Variants in BMAL1 observed in about 807,000 individuals in gnomAD.
BMAL1 encodes the protein basic helix-loop-helix ARNT-like protein 1.
At chr11:13,348,029 G>C in the BMAL1 span, among the ~76,000 whole-genome samples, 1 of 152,138 alleles carries the variant, frequency 6.6e-6, no homozygotes, top group Non-Finnish European at 1.5e-5. Flanking sequence ...GAGGAGACAC[G>C]CCTACAAGCA....
the BMAL1 span, among the ~76,000 whole-genome samples, chr11:13,316,064 T>G: frequency 6.6e-6 from 1 of 152,216 alleles, no homozygotes; most frequent in African/African-American, 2.4e-5. Flanking sequence ...ACCCCTTTGT[T>G]GTCCTTCTTC....
At chr11:13,293,286 C>T in the BMAL1 span, among the ~76,000 whole-genome samples, 78 of 152,226 alleles carry the variant, frequency 5.1e-4, no homozygotes, top group Non-Finnish European at 3.1e-4. Flanking sequence ...GTGACTGAAT[C>T]AGTAGAAAGA....
chr11:13,352,459 T>C, the BMAL1 span, among the ~76,000 whole-genome samples: 3 of 152,156 alleles, frequency 2.0e-5, no homozygotes, highest in African/African-American at 7.2e-5. Flanking sequence ...GCAACATCAG[T>C]AATAGCTGAA....
the BMAL1 span, chr11:13,369,726 T>C: frequency 1.9e-6 from 3 of 1,613,928 alleles, no homozygotes; most frequent in East Asian, 2.2e-5. Context: ...TCAGTAAAGG[T>C]TGAAGACAAG....
chr11:13,315,880 A>G, the BMAL1 span, among the ~76,000 whole-genome samples: 1 of 152,142 alleles, frequency 6.6e-6, no homozygotes, highest in East Asian at 1.9e-4. Context: ...GGACCATAAA[A>G]GAGCCAGCCC....
chr11:13,353,187 G>A, the BMAL1 span: 1 of 152,286 alleles, frequency 6.6e-6, no homozygotes, highest in Non-Finnish European at 1.5e-5. Context: ...CTTTCTTACA[G>A]TGTTTACAAA....
the BMAL1 span, among the ~76,000 whole-genome samples, chr11:13,284,242 A>G: frequency 1.3e-4 from 1 of 7,838 alleles, no homozygotes; most frequent in African/African-American, 1.5e-4. Context: ...GTGTATATAT[A>G]TATATATATA....
chr11:13,276,871 T>A, the BMAL1 span: 10 of 152,244 alleles, frequency 6.6e-5, no homozygotes, highest in African/African-American at 2.2e-4. Context: ...CTGTAACTGT[T>A]TCCTTCCGTC....
the BMAL1 span, among the ~76,000 whole-genome samples, chr11:13,291,572 T>C: frequency 4.6e-5 from 7 of 152,258 alleles, no homozygotes; most frequent in Non-Finnish European, 8.8e-5. Flanking sequence ...TCCAGGGTTC[T>C]ACAACTGGTC....
At chr11:13,314,002 C>T in the BMAL1 span, among the ~76,000 whole-genome samples, 1 of 151,852 alleles carries the variant, frequency 6.6e-6, no homozygotes, top group Non-Finnish European at 1.5e-5. Flanking sequence ...GGGCCCTCTC[C>T]TGGGAATGGC....
chr11:13,333,347 A>G, the BMAL1 span, among the ~76,000 whole-genome samples: 3 of 152,174 alleles, frequency 2.0e-5, no homozygotes, highest in African/African-American at 7.2e-5. Flanking sequence ...CATTCCCTGA[A>G]TTATTGTCTG....
chr11:13,358,410 A>G, the BMAL1 span: 9 of 1,499,814 alleles, frequency 6.0e-6, no homozygotes, highest in Middle Eastern at 1.8e-4. Flanking sequence ...TTTATAAGAA[A>G]TCGTTTTTCA....
the BMAL1 span, among the ~76,000 whole-genome samples, chr11:13,314,261 A>G: frequency 6.6e-6 from 1 of 151,604 alleles, no homozygotes; most frequent in Non-Finnish European, 1.5e-5. Context: ...ACACACACAC[A>G]CACACACACA....
At chr11:13,284,848 C>T in the BMAL1 span, among the ~76,000 whole-genome samples, 1 of 152,080 alleles carries the variant, frequency 6.6e-6, no homozygotes, top group Non-Finnish European at 1.5e-5. Context: ...CCCCTGTGTC[C>T]AGTCTTCCAG....
At chr11:13,346,825 A>G in the BMAL1 span, among the ~76,000 whole-genome samples, 2 of 152,072 alleles carry the variant, frequency 1.3e-5, no homozygotes, top group African/African-American at 2.4e-5. Flanking sequence ...GCTCTCCCCA[A>G]AGCATCCTCA....
chr11:13,301,590 A>G, the BMAL1 span, among the ~76,000 whole-genome samples: 5 of 152,116 alleles, frequency 3.3e-5, no homozygotes, highest in Non-Finnish European at 5.9e-5. Context: ...GCATTTGTCA[A>G]CATCTTGAAG....
At chr11:13,295,531 TGGA>T in the BMAL1 span, among the ~76,000 whole-genome samples, 2 of 151,428 alleles carry the variant, frequency 1.3e-5, no homozygotes, top group Non-Finnish European at 2.9e-5. Context: ...AGGGAGGAGG[TGGA>T]GGAGACCCCT....
the BMAL1 span, among the ~76,000 whole-genome samples, chr11:13,345,447 T>C: frequency 2.0e-5 from 3 of 152,226 alleles, no homozygotes; most frequent in South Asian, 6.2e-4. Flanking sequence ...CAGAGATAAC[T>C]TGTTTGCTCA....
chr11:13,372,583 G>A, the BMAL1 span, among the ~76,000 whole-genome samples: 1 of 152,302 alleles, frequency 6.6e-6, no homozygotes, highest in African/African-American at 2.4e-5. Flanking sequence ...GCCAAGGTGG[G>A]TGGATCACTT....
Sources: gnomAD v4.1 joint callset for allele counts (sites outside exome capture counted in the v4.1 genomes callset) on GRCh38, gnomAD v4.1.1 for gene constraint, MANE v1.5 for transcripts, NCBI Gene and HGNC (gene_info 2026-07-23, HGNC 2026-07-21) for gene names.